The following TF variants were observed in gnomAD, a reference collection of about 807,000 sequenced individuals.
TF encodes the protein transferrin.
TF carries 55 observed loss-of-function variants against 82.4 expected under a neutral mutation model. The observed-to-expected ratio is 0.67, with a 90% CI of 0.54 to 0.84. The LOEUF (loss-of-function observed/expected upper bound fraction) is 0.84. Ranked by LOEUF, TF falls within the 40% of genes least tolerant of loss-of-function variation. The probability of loss-of-function intolerance (pLI) is 0.00; values close to 1 mark genes in which losing one functional copy is unlikely to be tolerated. For missense variants in TF, 737 were observed against 868.4 expected, an observed-to-expected ratio of 0.85 and a Z score of 1.90; for synonymous variants, 332 against 332.6, an observed-to-expected ratio of 1.00 and a Z score of 0.02.
the TF span, among the ~76,000 whole-genome samples, chr3:133,698,599 T>C: frequency 6.6e-6 from 1 of 152,242 alleles, no homozygotes; most frequent in South Asian, 2.1e-4. Flanking sequence ...TATGTTCACA[T>C]GGCCTGTGTG....
intron 14 of TF, chr3:133,774,101 A>G (rs1934325919): frequency 6.6e-6 from 1 of 152,166 alleles, no homozygotes; most frequent in Non-Finnish European, 1.5e-5. Context: ...AATATAAAAT[A>G]TTATTATCCC....
chr3:133,771,743 CAAAAAAAAAAAAA>C (rs71136494), intron 14 of TF, among the ~76,000 whole-genome samples: 2 of 56,550 alleles, frequency 3.5e-5, no homozygotes, highest in Middle Eastern at 0.013. Context: ...GACTCCGTCT[CAAAAAAAAAAAAA>C]AAAAAAAAAA....
At chr3:133,666,203 C>T in the TF span, among the ~76,000 whole-genome samples, 1 of 152,066 alleles carries the variant, frequency 6.6e-6, no homozygotes, top group Admixed American at 6.5e-5. Context: ...GATGGAGTCT[C>T]GCTCTGTCGC....
chr3:133,795,182 CTTAGT>C lies in TF; in HGVS notation c.*16564_*16568del, dbSNP rs1302931184. The C allele has an allele frequency of 6.6e-6, 1 of 152,172 alleles. No homozygotes were observed. Among genetic ancestry groups the C allele is most frequent in the Non-Finnish European group, 1.5e-5 (1 of 68,050 alleles). 9.4% of individuals were successfully genotyped at this position (152,172 alleles called of 1,614,324 possible). A position where few individuals can be genotyped will look rare whatever the true frequency, so the allele number is the denominator to read the frequency against. ...TTGTAGCAAATTAATGAAGAGACTG[CTTAGT>C]TAAGTGAGTAGACTCTTTAGCTCAT... On this transcript the variant is annotated 3_prime_UTR_variant, in exon 17 of 17. Coordinates refer to ENST00000402696, the MANE Select transcript of TF (RefSeq NM_001063.4).
At chr3:133,719,476 A>G in the TF span, among the ~76,000 whole-genome samples, 1,964 of 152,208 alleles carry the variant, frequency 0.013, 94 homozygotes, top group East Asian at 0.16. Flanking sequence ...GGGAAGGGGT[A>G]TGAGGCTCAA....
chr3:133,766,629 G>A (rs1192755991), intron 12 of TF, among the ~76,000 whole-genome samples, 196 bp downstream of exon 12: 1 of 152,218 alleles, frequency 6.6e-6, no homozygotes, highest in Non-Finnish European at 1.5e-5. Context: ...GGGTTGCTGA[G>A]TTGGGACGGT....
the TF span, among the ~76,000 whole-genome samples, chr3:133,704,473 G>A: frequency 6.6e-6 from 1 of 152,156 alleles, no homozygotes; most frequent in Non-Finnish European, 1.5e-5. Flanking sequence ...CTCTCCTGGA[G>A]CCAGAAACAA....
Position 133,753,700 on chromosome 3 carries a change from G to C in TF, c.322G>C (p.Glu108Gln), listed in dbSNP as rs143440081. 3.6e-5 allele frequency: 58 copies of C among 1,613,398 alleles called. No individual in the cohort carries two copies. Among genetic ancestry groups the C allele is most frequent in the Non-Finnish European group, 4.7e-5 (56 of 1,179,398 alleles). The change falls in exon 3 of 17, where the codon GAG (glutamate) becomes CAG (glutamine). Residue 108 changes from glutamate (E) to glutamine (Q), a missense_variant. Physicochemically the swap from Glu to Gln is conservative, Grantham distance 29. Transcript: ENST00000402696. ...GGTGGCAGAGTTCTATGGGTCAAAA[G>C]AGGGTAAGTTCTCCCTGGGACCCCA... ...PVVAEFYGSK[E>Q]DPQTFYYAVA...
At chr3:133,764,976 T>C in intron 11 of TF, 69 bp downstream of exon 11, 1 of 1,552,174 alleles carries the variant, frequency 6.4e-7, no homozygotes, top group Non-Finnish European at 8.9e-7. Flanking sequence ...TTGGTTAGAT[T>C]TAAAATTCAA....
upstream of TF, chr3:133,746,252 G>T: frequency 1.5e-6 from 1 of 669,874 alleles, no homozygotes; most frequent in South Asian, 1.7e-5. Context: ...AAAATGAGGT[G>T]ATCAGTGGGA....
rs1471237177 is a variant in TF, at chr3:133,791,533, A to C, written c.*12913A>C. On this transcript the variant is annotated 3_prime_UTR_variant, in exon 17 of 17. Transcript: ENST00000402696. ...AAAGTCACTGTTTATCTCCTCTGTA[A>C]AGTTTTGATTAATATAAAAAAAGAA... The C allele has an allele frequency of 6.6e-6, 1 of 152,110 alleles. No individual in the cohort carries two copies. The highest frequency in any genetic ancestry group is 1.5e-5 in the Non-Finnish European group (1 of 68,022). The allele number at this position is 152,110 out of a possible 1,614,324, so 9.4% of individuals were successfully genotyped here. A position where few individuals can be genotyped will look rare whatever the true frequency, so the allele number is the denominator to read the frequency against.
chr3:133,694,431 A>G, the TF span: 1 of 153,016 alleles, frequency 6.5e-6, no homozygotes. Context: ...GAGAGCGAAC[A>G]GGGCCCACCC....
At chr3:133,775,883 A>G (rs928517045) in intron 15 of TF, among the ~76,000 whole-genome samples, 3 of 152,176 alleles carry the variant, frequency 2.0e-5, no homozygotes, top group African/African-American at 7.2e-5. Context: ...TGTAATAATA[A>G]TATTTTTACC....
rs558032341 is a variant in TF, at chr3:133,783,591, T to C, written c.*4971T>C. On this transcript the variant is annotated 3_prime_UTR_variant, in exon 17 of 17. Transcript: ENST00000402696. ...TAAGGAAAATATTAATTTCAGATCA[T>C]ATAAAATTCAGAAGTCCTGTAAGAC... 5 of 152,370 alleles carry C rather than the reference T, an allele frequency of 3.3e-5. No individual in the cohort carries two copies. Among genetic ancestry groups the C allele is most frequent in the East Asian group, 1.9e-4 (1 of 5,192 alleles). 9.4% of individuals were successfully genotyped at this position (152,370 alleles called of 1,614,324 possible).
At chr3:133,735,130 C>T in the TF span, among the ~76,000 whole-genome samples, 1 of 152,136 alleles carries the variant, frequency 6.6e-6, no homozygotes, top group African/African-American at 2.4e-5. Flanking sequence ...ATCACGAGGT[C>T]AGGAGTTCAA....
the TF span, among the ~76,000 whole-genome samples, chr3:133,726,052 G>A: frequency 4.0e-4 from 61 of 152,212 alleles, 1 homozygote; most frequent in African/African-American, 1.0e-3. Context: ...TGCTGGATTC[G>A]GTTTGCCAGT....
the TF span, chr3:133,699,720 T>C: frequency 2.4e-6 from 1 of 416,748 alleles, no homozygotes; most frequent in South Asian, 1.8e-5. Flanking sequence ...CTGGAAGTCC[T>C]GGTATGTTCA....
the TF span, among the ~76,000 whole-genome samples, chr3:133,717,087 T>C: frequency 6.6e-6 from 1 of 152,258 alleles, no homozygotes; most frequent in Non-Finnish European, 1.5e-5. Flanking sequence ...CCTTTCTTGC[T>C]TTATGTTTTC....
the TF span, among the ~76,000 whole-genome samples, chr3:133,723,045 C>T: frequency 1.2e-4 from 18 of 146,930 alleles, no homozygotes; most frequent in African/African-American, 1.8e-4. Context: ...CTTTGTGGGA[C>T]ACAATATTCT....
Sources: allele counts gnomAD v4.1 joint callset (sites outside exome capture counted in the v4.1 genomes callset), GRCh38; gene constraint gnomAD v4.1.1; transcripts MANE v1.5; gene names NCBI Gene and HGNC (gene_info 2026-07-23, HGNC 2026-07-21).